SAFB: variants seen among roughly 807,000 people sequenced by gnomAD.
The protein encoded by SAFB is scaffold attachment factor B.
Under a neutral mutation model 101.6 loss-of-function variants are expected in SAFB, and 15 were observed. That is an observed-to-expected ratio of 0.15 (90% CI 0.10 to 0.23). SAFB has a LOEUF of 0.23. Ranked by LOEUF, SAFB falls within the 10% of genes least tolerant of loss-of-function variation. The pLI, the probability that SAFB is intolerant of heterozygous loss-of-function variation, is 1.00. For synonymous variants in SAFB, 449 were observed against 407.5 expected (o/e 1.10, Z -1.23); for missense variants, 930 against 1,104.1 (o/e 0.84, Z 2.23).
chr19:5,633,646 G>A (rs2053535803), intron 2 of SAFB, among the ~76,000 whole-genome samples: 1 of 152,154 alleles, frequency 6.6e-6, no homozygotes, highest in South Asian at 2.1e-4. Context: ...AGGCGTGGTG[G>A]CGGGCGCCTG....
At chr19:5,630,354 G>A (rs1220363117) in intron 2 of SAFB, among the ~76,000 whole-genome samples, 1 of 152,122 alleles carries the variant, frequency 6.6e-6, no homozygotes, top group African/African-American at 2.4e-5. Flanking sequence ...CATATAAAAT[G>A]TTTCTATTGT....
chr19:5,641,997 C>A, intron 4 of SAFB, 51 bp downstream of exon 4: 2 of 1,403,174 alleles, frequency 1.4e-6, no homozygotes, highest in East Asian at 2.3e-5. Context: ...ATCAGTTCCA[C>A]AATTAAAATA....
At chr19:5,625,926 TGAG>T (rs1354574371) in intron 1 of SAFB, among the ~76,000 whole-genome samples, 1 of 152,194 alleles carries the variant, frequency 6.6e-6, no homozygotes, top group African/African-American at 2.4e-5. Flanking sequence ...CACACAGTAC[TGAG>T]TACAGGCACG....
At chr19:5,661,439 C>G (rs951471374) in intron 14 of SAFB, 79 bp from the exon 15 acceptor site, 5 of 1,575,082 alleles carry the variant, frequency 3.2e-6, no homozygotes, top group Non-Finnish European at 4.3e-6. Context: ...TCTGTGCGAC[C>G]CAGCGTCTTA....
chr19:5,661,948 G>A lies in SAFB; in HGVS notation c.2153+140G>A, dbSNP rs376390350. ...CGCGGAGGCTGGAGTGCAGTGACCC[G>A]ATCTTGGCTCACTGCAAGCTCTGCC... On this transcript the variant is annotated intron_variant, in intron 15 of 20. Transcript: ENST00000588852. 114 of 671,966 alleles carry A rather than the reference G, an allele frequency of 1.7e-4. 1 individual carries two copies. The highest frequency in any genetic ancestry group is 1.6e-3 in the East Asian group (57 of 36,032). 41.6% of individuals were successfully genotyped at this position (671,966 alleles called of 1,614,324 possible). A position where few individuals can be genotyped will look rare whatever the true frequency, so the allele number is the denominator to read the frequency against.
intron 2 of SAFB, among the ~76,000 whole-genome samples, chr19:5,635,810 A>G (rs2053583333): frequency 6.6e-6 from 1 of 152,094 alleles, no homozygotes; most frequent in Non-Finnish European, 1.5e-5. Context: ...TGAGACCACA[A>G]ACTAGGGTGA....
intron 11 of SAFB, 73 bp from the exon 12 acceptor site, chr19:5,653,988 G>A (rs1266570559): frequency 8.9e-6 from 13 of 1,464,624 alleles, no homozygotes; most frequent in South Asian, 2.4e-5. Context: ...TGATCCGCCC[G>A]CCTCATCCCC....
intron 20 of SAFB, 133 bp downstream of exon 20, chr19:5,668,019 C>T (rs1444799315): frequency 5.0e-6 from 7 of 1,410,904 alleles, no homozygotes; most frequent in Non-Finnish European, 6.7e-6. Flanking sequence ...GCATGGGGTA[C>T]TGTGGAGGCT....
chr19:5,637,689 A>T (rs1160949210), intron 2 of SAFB, among the ~76,000 whole-genome samples: 1 of 152,088 alleles, frequency 6.6e-6, no homozygotes, highest in Admixed American at 6.5e-5. Flanking sequence ...ACTATTCTTC[A>T]CACTGGGAAA....
At position 5,641,629 on chromosome 19, in the gene SAFB, G is replaced by T; in HGVS notation, c.310G>T (p.Gly104Trp). 1 of 1,614,040 alleles carries T rather than the reference G, an allele frequency of 6.2e-7. No individual in the cohort carries two copies. Reference sequence around the variant, plus strand: ...AGAAGAAGAGGGTGTGGAAGATAACGGGCTGGAGGAAAACTCTGGGGATGG... The same window carrying T: ...AGAAGAAGAGGGTGTGGAAGATAACTGGCTGGAGGAAAACTCTGGGGATGG... ...KPEEEGVEDN[G>W]LEENSGDGQE... The change falls in exon 3 of 21, where the codon GGG becomes TGG. Residue 104 changes from glycine to tryptophan, a missense_variant. Physicochemically the swap from Gly to Trp is radical, Grantham distance 184. Transcript: ENST00000588852.
intron 2 of SAFB, among the ~76,000 whole-genome samples, chr19:5,629,186 CTG>C (rs2053435470): frequency 6.6e-6 from 1 of 152,296 alleles, no homozygotes; most frequent in South Asian, 2.1e-4. Context: ...CTTCTCCAGA[CTG>C]TGTGTGTATG....
Position 5,668,234 on chromosome 19 carries a change from T to C in SAFB, c.2697T>C (p.Phe899=). 1 of 1,610,652 alleles carries C rather than the reference T, an allele frequency of 6.2e-7. No homozygotes were observed. The highest frequency in any genetic ancestry group is 8.5e-7 in the Non-Finnish European group (1 of 1,179,196). The change falls in exon 21 of 21, where the codon TTT becomes TTC. Residue 899 remains phenylalanine, a synonymous_variant. Coordinates refer to ENST00000588852, the MANE Select transcript of SAFB (RefSeq NM_001201338.2). The part of the protein sequence containing the change: ...PIPHGGMQGG[F]GGQSRGSRPS... ...CACACGGTGGCATGCAGGGCGGGTT[T>C]GGAGGCCAGAGCCGGGGGAGCAGGC...
chr19:5,623,295 C>T lies in SAFB; in HGVS notation c.90C>T (p.Arg30=), dbSNP rs139020622. Residue 30 remains arginine, a synonymous_variant, in exon 1 of 21, where the codon CGC becomes CGT. Coordinates refer to ENST00000588852, the MANE Select transcript of SAFB (RefSeq NM_001201338.2). The part of the protein sequence containing the change: ...SSASSETGTR[R]LSDLRVIDLR... ...CCTCGTCAGAGACCGGGACGCGGCGCCTCAGCGACCTGCGAGTGATCGATC... is the reference window on the plus strand; with the variant it reads ...CCTCGTCAGAGACCGGGACGCGGCGTCTCAGCGACCTGCGAGTGATCGATC... 62 of 1,613,876 alleles carry T rather than the reference C, an allele frequency of 3.8e-5. No individual in the cohort carries two copies. The African/African-American group carries it at 7.5e-4, about 19-fold the overall frequency.
intron 17 of SAFB, chr19:5,665,880 C>T (rs1483024341): frequency 6.6e-6 from 1 of 152,134 alleles, no homozygotes; most frequent in South Asian, 2.1e-4. Context: ...TTCAGGAGTC[C>T]CTTTTCTTAC....
intron 2 of SAFB, among the ~76,000 whole-genome samples, chr19:5,627,601 C>T (rs1321756582): frequency 6.6e-6 from 1 of 152,170 alleles, no homozygotes; most frequent in Non-Finnish European, 1.5e-5. Context: ...TGACATGACT[C>T]TCACCATCTT....
In SAFB at chr19:5,650,972, A is replaced by C. The variant is rs756942738; in HGVS notation, c.1199-6A>C. 2.5e-6 allele frequency: 4 copies of C among 1,577,090 alleles called. No homozygotes were observed. Among genetic ancestry groups the C allele is most frequent in the Non-Finnish European group, 3.5e-6 (4 of 1,154,844 alleles). On this transcript the variant is annotated splice_region_variant and splice_polypyrimidine_tract_variant and intron_variant, in intron 8 of 20. Transcript: ENST00000588852. ...GGGTTTTTACTAGAATTTTCTTTTG[A>C]AATAGGTCGCAGCAGTTGTGGTAGA...
Position 5,654,103 on chromosome 19 carries a change from T to A in SAFB, c.1569T>A (p.Asp523Glu). The A allele has an allele frequency of 3.1e-6, 5 of 1,614,122 alleles. No homozygotes were observed. Among genetic ancestry groups the A allele is most frequent in the Non-Finnish European group, 4.2e-6 (5 of 1,179,986 alleles). The change falls in exon 12 of 21, where the codon GAT (aspartate) becomes GAA (glutamate). Residue 523 changes from aspartate to glutamate, a missense_variant. By Grantham distance (45) the Asp-to-Glu change is conservative. This residue lies in a region of SAFB where 92 missense variants were observed against 83.8 expected (regional missense o/e 1.10). Coordinates refer to ENST00000588852, the MANE Select transcript of SAFB (RefSeq NM_001201338.2). Reference sequence around the variant, plus strand: ...GGGATGATAAATGTGACAGAAAAGATGATGCTAAGAAGGGTGACGACGGAA... The same window carrying A: ...GGGATGATAAATGTGACAGAAAAGAAGATGCTAAGAAGGGTGACGACGGAA... ...LKRDDKCDRK[D>E]DAKKGDDGSG...
intron 6 of SAFB, 199 bp downstream of exon 6, chr19:5,648,242 T>A: frequency 1.8e-6 from 1 of 565,600 alleles, no homozygotes; most frequent in Non-Finnish European, 3.1e-6. Context: ...GTGGCTCACT[T>A]CTCATTTTAC....
rs1315921405 is a variant in SAFB, at chr19:5,657,312, G to A, written c.1827G>A (p.Lys609=). Residue 609 remains lysine (K), a synonymous_variant, in exon 14 of 21, where the codon AAG becomes AAA. Coordinates refer to ENST00000588852, the MANE Select transcript of SAFB (RefSeq NM_001201338.2). The part of the protein sequence containing the change: ...KRSVVSFDKV[K]EPRKSRDSES... ...CCGTCGTGTCCTTTGATAAGGTCAA[G>A]GAGCCTCGGAAGTCAAGAGACTCAG... The A allele has an allele frequency of 6.2e-7, 1 of 1,613,836 alleles. No individual in the cohort carries two copies. Among genetic ancestry groups the A allele is most frequent in the Non-Finnish European group, 8.5e-7 (1 of 1,179,790 alleles).
Sources: allele counts gnomAD v4.1 joint callset (sites outside exome capture counted in the v4.1 genomes callset), GRCh38; gene constraint gnomAD v4.1.1; regional missense constraint gnomAD v4.1.1; transcripts MANE v1.5; gene names NCBI Gene and HGNC (gene_info 2026-07-23, HGNC 2026-07-21).